Variants in MED24 observed in about 807,000 individuals in gnomAD.
The protein encoded by MED24 is mediator of RNA polymerase II transcription subunit 24.
A neutral mutation model predicts 118.8 loss-of-function variants in MED24; 74 were observed. That is an observed-to-expected ratio of 0.62 (90% CI 0.52 to 0.76). MED24 has a LOEUF of 0.76. Ranked by LOEUF, MED24 falls within the 30% of genes least tolerant of loss-of-function variation. MED24 has a pLI of 0.00. For synonymous variants in MED24, 521 were observed against 523.9 expected, an observed-to-expected ratio of 0.99 and a Z score of 0.08; for missense variants, 1,041 against 1,278.9, an observed-to-expected ratio of 0.81 and a Z score of 2.84.
In MED24 at chr17:40,021,954, C is replaced by T. The variant is rs1442290927; in HGVS notation, c.2623+1G>A. 1 of 1,593,550 alleles carries T rather than the reference C, an allele frequency of 6.3e-7. No homozygotes were observed. The highest frequency in any genetic ancestry group is 8.6e-7 in the Non-Finnish European group (1 of 1,168,876). ...GGCGCGCGGCCAGCCCACACACTCA[C>T]TGGGGCTCGAAAGGATGTTGGCATC... is the stretch of plus-strand genomic sequence containing the variant. On this transcript the variant is annotated splice_donor_variant, in intron 23 of 25. Transcript: ENST00000394128. LOFTEE classifies it high-confidence loss of function.
chr17:40,042,843 A>T (rs1276484099), intron 3 of MED24, among the ~76,000 whole-genome samples: 1 of 152,258 alleles, frequency 6.6e-6, no homozygotes. Flanking sequence ...TGTGGATCCC[A>T]TCCTCATACC....
chr17:40,049,276 T>C (rs577026612), intron 3 of MED24, among the ~76,000 whole-genome samples: 1 of 152,208 alleles, frequency 6.6e-6, no homozygotes, highest in Non-Finnish European at 1.5e-5. Flanking sequence ...TTTCAGTTCC[T>C]GAACAACATT....
Position 40,053,309 on chromosome 17 carries a change from T to C in MED24, c.202A>G (p.Ile68Val). ...TGCGGGAAGCTTACCTGGGAACTAATGGCATACTTCAGGTAGGACAAGATG... is the reference window on the plus strand; with the variant it reads ...TGCGGGAAGCTTACCTGGGAACTAACGGCATACTTCAGGTAGGACAAGATG... ...PLILSYLKYAISSQMVSYSSV... is the reference protein window; with the variant it reads ...PLILSYLKYAVSSQMVSYSSV... Residue 68 changes from isoleucine (I) to valine (V), a missense_variant, in exon 3 of 26, where the codon ATT becomes GTT. By Grantham distance (29) the Ile-to-Val change is conservative (BLOSUM62 3). Coordinates refer to ENST00000394128, the MANE Select transcript of MED24 (RefSeq NM_014815.4). 2 of 1,608,120 alleles carry C rather than the reference T, an allele frequency of 1.2e-6. No homozygotes were observed. Among genetic ancestry groups the C allele is most frequent in the Non-Finnish European group, 1.7e-6 (2 of 1,176,750 alleles).
At chr17:40,052,920 C>T (rs1250775088) in intron 3 of MED24, among the ~76,000 whole-genome samples, 2 of 152,046 alleles carry the variant, frequency 1.3e-5, no homozygotes, top group Non-Finnish European at 2.9e-5. Flanking sequence ...TGTACAACTG[C>T]ACCCCAAATT....
At chr17:40,023,022 G>T (rs12451897) in intron 20 of MED24, 109 bp downstream of exon 20, 534,500 of 1,449,972 alleles carry the variant, frequency 0.37, 102,583 homozygotes, top group Middle Eastern at 0.51. Flanking sequence ...ATTCCGGGGA[G>T]GCCACCTGGC....
At position 40,023,366 on chromosome 17, in the gene MED24, CGCTCCAG is replaced by C. The variant is rs1982267435; in HGVS notation, c.2008_2014del (p.Leu670AlafsTer40). ...CTGCTGCAGCACGTCGGCACACATG[CGCTCCAG>C]GATCGAGTTCATGATCACCACCCTG... On this transcript the variant is annotated frameshift_variant, in exon 20 of 26. Coordinates refer to ENST00000394128, the MANE Select transcript of MED24 (RefSeq NM_014815.4). LOFTEE classifies it high-confidence loss of function. The C allele has an allele frequency of 6.2e-7, 1 of 1,607,564 alleles. No individual in the cohort carries two copies.
At chr17:40,048,342 T>C (rs1985470297) in intron 3 of MED24, among the ~76,000 whole-genome samples, 1 of 152,216 alleles carries the variant, frequency 6.6e-6, no homozygotes, top group Non-Finnish European at 1.5e-5. Context: ...ACTGTTTACC[T>C]TTTTGCTCTT....
At chr17:40,028,007 T>C in intron 14 of MED24, 61 bp from the exon 15 acceptor site, 1 of 1,541,494 alleles carries the variant, frequency 6.5e-7, no homozygotes, top group Non-Finnish European at 9.0e-7. Context: ...AGCTGGGCGC[T>C]GGGGCTACAC....
At position 40,033,228 on chromosome 17, in the gene MED24, G is replaced by A; in HGVS notation, c.672-22C>T. 2 of 1,613,396 alleles carry A rather than the reference G, an allele frequency of 1.2e-6. No homozygotes were observed. Among genetic ancestry groups the A allele is most frequent in the Non-Finnish European group, 1.7e-6 (2 of 1,179,966 alleles). On this transcript the variant is annotated intron_variant, in intron 7 of 25. Transcript: ENST00000394128. The surrounding 1 kb of genome is among the most constrained non-coding windows in gnomAD (Gnocchi z 5.2). ...GATGCTGAGGGGTCACAAACACAGG[G>A]GACGGTGTTTGGGGGGCCAAAGGTG...
In MED24 at chr17:40,027,364, G is replaced by A. The variant is rs368529190; in HGVS notation, c.1530+19C>T. On this transcript the variant is annotated intron_variant, in intron 16 of 25. Coordinates refer to ENST00000394128, the MANE Select transcript of MED24 (RefSeq NM_014815.4). ...CCTCCTTCCCTTGAGCCCCCGTCCC[G>A]GTCGCTCCCCTCTCTCACCTCTGAA... The A allele has an allele frequency of 5.0e-6, 8 of 1,608,306 alleles. No homozygotes were observed. The highest frequency in any genetic ancestry group is 1.1e-5 in the South Asian group (1 of 90,230).
intron 3 of MED24, among the ~76,000 whole-genome samples, chr17:40,050,198 G>C (rs923847786): frequency 1.4e-5 from 2 of 146,268 alleles, no homozygotes; most frequent in African/African-American, 2.5e-5. Context: ...GTCAGGCACG[G>C]TGGCTCATTG....
chr17:40,025,019 A>C (rs1434322506), intron 19 of MED24, among the ~76,000 whole-genome samples: 2 of 152,172 alleles, frequency 1.3e-5, no homozygotes, highest in Non-Finnish European at 2.9e-5. Flanking sequence ...TGCAGGCGTG[A>C]GCCACCACGC....
chr17:40,020,417 G>A (rs549221174), intron 23 of MED24, 64 bp from the exon 24 acceptor site: 53 of 1,553,102 alleles, frequency 3.4e-5, no homozygotes, highest in East Asian at 1.7e-4. Flanking sequence ...GGTGCTCCCC[G>A]GGGATGCCCC....
At chr17:40,036,201 A>T in intron 3 of MED24, 47 bp from the exon 4 acceptor site, 1 of 1,559,558 alleles carries the variant, frequency 6.4e-7, no homozygotes. Flanking sequence ...AGTCTCCCAC[A>T]GTTGAGAGGA....
chr17:40,040,612 T>A (rs112625934), intron 3 of MED24, among the ~76,000 whole-genome samples: 142 of 151,568 alleles, frequency 9.4e-4, no homozygotes, highest in African/African-American at 2.5e-3. Context: ...TTTTTTTTTT[T>A]AATTTTATTT....
Position 40,019,183 on chromosome 17 carries a change from C to CACACAG in MED24, c.*345_*346insCTGTGT, listed in dbSNP as rs1981636239. The CACACAG allele has an allele frequency of 4.5e-6, 1 of 222,606 alleles. No individual in the cohort carries two copies. Among genetic ancestry groups the CACACAG allele is most frequent in the Admixed American group, 5.5e-5 (1 of 18,136 alleles). The allele number at this position is 222,606 out of a possible 1,614,324, so 13.8% of individuals were successfully genotyped here. A position where few individuals can be genotyped will look rare whatever the true frequency, so the allele number is the denominator to read the frequency against. ...ATTACAAAATACACACAAACACACA[C>CACACAG]ACACACACACACACACACACATACA... On this transcript the variant is annotated 3_prime_UTR_variant, in exon 26 of 26. Coordinates refer to ENST00000394128, the MANE Select transcript of MED24 (RefSeq NM_014815.4).
In MED24 at chr17:40,019,201, C is replaced by CACACACACACAT; in HGVS notation, c.*327_*328insATGTGTGTGTGT. Reference sequence around the variant, plus strand: ...ACACACACACACACACACACACACACACATACACACTTTGCATCTAGAAAG... The same window carrying CACACACACACAT: ...ACACACACACACACACACACACACACACACACACACATACATACACACTTTGCATCTAGAAAG... On this transcript the variant is annotated 3_prime_UTR_variant, in exon 26 of 26. Coordinates refer to ENST00000394128, the MANE Select transcript of MED24 (RefSeq NM_014815.4). The CACACACACACAT allele has an allele frequency of 3.2e-6, 1 of 308,860 alleles. No homozygotes were observed. Among genetic ancestry groups the CACACACACACAT allele is most frequent in the Non-Finnish European group, 6.1e-6 (1 of 164,194 alleles). The allele number at this position is 308,860 out of a possible 1,614,324, so 19.1% of individuals were successfully genotyped here.
chr17:40,032,745 A>G lies in MED24; in HGVS notation c.840T>C (p.Leu280=). 6.2e-7 allele frequency: 1 copy of G among 1,613,672 alleles called. No individual in the cohort carries two copies. The highest frequency in any genetic ancestry group is 8.5e-7 in the Non-Finnish European group (1 of 1,179,902). Residue 280 remains leucine, a synonymous_variant, in exon 9 of 26, where the codon CTT becomes CTC. Transcript: ENST00000394128. ...VKRMQHIPTP[L]FVLEIWKACF... is the part of the protein sequence containing the mutation. ...AAGCTTTCCAGATCTCCAGGACAAA[A>G]AGTGGGGTGGGGATATGCTGTGGGA...
chr17:40,037,470 C>T lies in MED24; in HGVS notation c.214-1316G>A, dbSNP rs183248286. Among the ~76,000 whole-genome samples, 139 of 152,202 alleles carry T rather than the reference C, an allele frequency of 9.1e-4. 1 individual carries two copies. Among genetic ancestry groups the T allele is most frequent in the Non-Finnish European group, 1.6e-3 (112 of 68,002 alleles). On this transcript the variant is annotated intron_variant, in intron 3 of 25. Coordinates refer to ENST00000394128, the MANE Select transcript of MED24 (RefSeq NM_014815.4). ...CCTTGAGGACAAGGATGCTTTTACT[C>T]AGTGACCACCACAAACTTGATGTTT... is the stretch of plus-strand genomic sequence containing the variant.
Sources: allele counts gnomAD v4.1 joint callset (sites outside exome capture counted in the v4.1 genomes callset), GRCh38; gene constraint gnomAD v4.1.1; non-coding constraint Gnocchi (gnomAD v3.1); transcripts MANE v1.5; gene names NCBI Gene and HGNC (gene_info 2026-07-23, HGNC 2026-07-21).